TAP2: variants seen among roughly 807,000 people sequenced by gnomAD.
TAP2 encodes the protein antigen peptide transporter 2.
Under a neutral mutation model 74.7 loss-of-function variants are expected in TAP2, and 49 were observed. The observed-to-expected ratio is 0.66, with a 90% CI of 0.52 to 0.83. The LOEUF (loss-of-function observed/expected upper bound fraction) is 0.83. TAP2 is among the 40% of genes least tolerant of loss of function. The pLI, the probability that TAP2 is intolerant of heterozygous loss-of-function variation, is 0.00. For missense variants in TAP2, 739 were observed against 859.0 expected (o/e 0.86, Z 1.75); for synonymous variants, 306 against 368.4 (o/e 0.83, Z 1.94).
Position 32,828,679 on chromosome 6 carries a change from C to CCCCCCCCCCCACCCCCCCACCA in TAP2, c.*226_*227insTGGTGGGGGGGTGGGGGGGGGG. ...TAAGTTTCCTGGACACAGACAGCCC[C>CCCCCCCCCCCACCCCCCCACCA]CACCCCACCCCACCCCACCTCTCTA... is the stretch of plus-strand genomic sequence containing the variant. On this transcript the variant is annotated 3_prime_UTR_variant, in exon 12 of 12. Coordinates refer to ENST00000374897, the MANE Select transcript of TAP2 (RefSeq NM_001290043.2). The CCCCCCCCCCCACCCCCCCACCA allele has an allele frequency of 1.1e-6, 1 of 948,138 alleles. No individual in the cohort carries two copies. Among genetic ancestry groups the CCCCCCCCCCCACCCCCCCACCA allele is most frequent in the Non-Finnish European group, 1.3e-6 (1 of 788,690 alleles). The allele number at this position is 948,138 out of a possible 1,614,324, so 58.7% of individuals were successfully genotyped here.
At position 32,832,420 on chromosome 6, in the gene TAP2, C is replaced by G. The variant is rs2127358619; in HGVS notation, c.1185G>C (p.Gly395=). ...LGVQMLMLSC[G]LQQMQDGELT... ...GCTCCCCATCCTGCATCTGCTGCAG[C>G]CCACAGCTCAGCATCAGCATCTGCA... The change falls in exon 7 of 12, where the codon GGG becomes GGC. Residue 395 remains glycine (G), a synonymous_variant. Transcript: ENST00000374897. The surrounding 1 kb of genome is among the most constrained non-coding windows in gnomAD (Gnocchi z 5.9). The G allele has an allele frequency of 2.5e-6, 4 of 1,612,908 alleles. No homozygotes were observed. Among genetic ancestry groups the G allele is most frequent in the Middle Eastern group, 3.3e-4 (2 of 6,058 alleles).
At position 32,835,065 on chromosome 6, in the gene TAP2, C is replaced by G. The variant is rs1002569448; in HGVS notation, c.945+89G>C. 2.2e-6 allele frequency: 3 copies of G among 1,368,584 alleles called. No homozygotes were observed. The highest frequency in any genetic ancestry group is 1.4e-5 in the African/African-American group (1 of 69,814). 84.8% of individuals were successfully genotyped at this position (1,368,584 alleles called of 1,614,324 possible). On this transcript the variant is annotated intron_variant, in intron 5 of 11. Coordinates refer to ENST00000374897, the MANE Select transcript of TAP2 (RefSeq NM_001290043.2). This position sits in a 1 kb window ranked among gnomAD's most constrained non-coding sequence, Gnocchi z 4.0. ...TAATGGCTGAGAAGAGAACATCTCT[C>G]TCTAGGGGATCCTCTAGCCACAAAT...
At chr6:32,834,369 A>C (rs1221081717) in intron 5 of TAP2, among the ~76,000 whole-genome samples, 1 of 152,250 alleles carries the variant, frequency 6.6e-6, no homozygotes, top group Non-Finnish European at 1.5e-5. Flanking sequence ...TACGCTAAGT[A>C]AAATATGCCA....
At chr6:32,825,199 C>A (rs1212108888), downstream of TAP2, among the ~76,000 whole-genome samples, 1 of 149,324 alleles carries the variant, frequency 6.7e-6, no homozygotes, top group Non-Finnish European at 1.5e-5. Context: ...ATTAATATAG[C>A]CTCTATGAAG....
In TAP2 at chr6:32,828,182, G is replaced by C. The variant is rs955980637; in HGVS notation, c.*724C>G. 1.5e-5 allele frequency: 13 copies of C among 881,848 alleles called. No homozygotes were observed. The highest frequency in any genetic ancestry group is 1.8e-5 in the Non-Finnish European group (13 of 736,094). 54.6% of individuals were successfully genotyped at this position (881,848 alleles called of 1,614,324 possible). ...ATGGGGATAATAACCAACCTCATAG[G>C]GTTGGGGATAATGATTAAAAACGAT... is the stretch of plus-strand genomic sequence containing the variant. On this transcript the variant is annotated 3_prime_UTR_variant, in exon 12 of 12. Coordinates refer to ENST00000374897, the MANE Select transcript of TAP2 (RefSeq NM_001290043.2).
chr6:32,826,493 T>G lies in TAP2; in HGVS notation c.*2413A>C, dbSNP rs1768658852. 1 of 985,294 alleles carries G rather than the reference T, an allele frequency of 1.0e-6. No individual in the cohort carries two copies. Among genetic ancestry groups the G allele is most frequent in the African/African-American group, 1.7e-5 (1 of 57,220 alleles). The allele number at this position is 985,294 out of a possible 1,614,324, so 61.0% of individuals were successfully genotyped here. A position where few individuals can be genotyped will look rare whatever the true frequency, so the allele number is the denominator to read the frequency against. The stretch of plus-strand genomic sequence containing the variant: ...AAAGAACTCTGGAGCAAACCAGGAT[T>G]AGTGACATCTGTGGTTCCCAGACAA... On this transcript the variant is annotated 3_prime_UTR_variant, in exon 12 of 12. Coordinates refer to ENST00000374897, the MANE Select transcript of TAP2 (RefSeq NM_001290043.2).
rs1452101985 is a variant in TAP2, at chr6:32,835,158, T to C, written c.941A>G (p.His314Arg). 1.9e-6 allele frequency: 3 copies of C among 1,612,452 alleles called. No homozygotes were observed. The highest frequency in any genetic ancestry group is 2.5e-6 in the Non-Finnish European group (3 of 1,180,032). Residue 314 changes from histidine to arginine, a missense_variant, in exon 5 of 12, where the codon CAT becomes CGT. By Grantham distance (29) the His-to-Arg change is conservative. Transcript: ENST00000374897. The surrounding 1 kb of genome is among the most constrained non-coding windows in gnomAD (Gnocchi z 4.0). ...IAAEKVYNTR[H>R]QEVLREIQDA... ...TTCCCTTACATGCACGCTCACCTGA[T>C]GGCGGGTGTTGTACACCTTCTCCGC...
Position 32,828,679 on chromosome 6 carries a change from C to CAGCCCACCA in TAP2, c.*226_*227insTGGTGGGCT. ...TAAGTTTCCTGGACACAGACAGCCC[C>CAGCCCACCA]CACCCCACCCCACCCCACCTCTCTA... is the stretch of plus-strand genomic sequence containing the variant. On this transcript the variant is annotated 3_prime_UTR_variant, in exon 12 of 12. Coordinates refer to ENST00000374897, the MANE Select transcript of TAP2 (RefSeq NM_001290043.2). 1.1e-6 allele frequency: 1 copy of CAGCCCACCA among 948,140 alleles called. No homozygotes were observed. Among genetic ancestry groups the CAGCCCACCA allele is most frequent in the Non-Finnish European group, 1.3e-6 (1 of 788,692 alleles). The allele number at this position is 948,140 out of a possible 1,614,324, so 58.7% of individuals were successfully genotyped here.
rs1768755215 is a variant in TAP2 at position 32,827,746 on chromosome 6, A to G, written c.*1160T>C. ...TGGGCTGGAACAGTGTGTGCTCTGA[A>G]AAGGATCTCTGCAGCAGGGCTTGAG... On this transcript the variant is annotated 3_prime_UTR_variant, in exon 12 of 12. Transcript: ENST00000374897. 4 of 920,646 alleles carry G rather than the reference A, an allele frequency of 4.3e-6. 1 individual carries two copies. The highest frequency in any genetic ancestry group is 7.0e-5 in the Admixed American group (1 of 14,326). 57.0% of individuals were successfully genotyped at this position (920,646 alleles called of 1,614,324 possible).
Position 32,838,235 on chromosome 6 carries a change from G to A in TAP2, c.-2C>T. The stretch of plus-strand genomic sequence containing the variant: ...GGGTCTCAGGTCAGGGAGCCGCATG[G>A]CTCTGTCAACGGATACGAGATGAGA... On this transcript the variant is annotated splice_region_variant and 5_prime_UTR_variant, in exon 2 of 12. Transcript: ENST00000374897. 1 of 1,560,698 alleles carries A rather than the reference G, an allele frequency of 6.4e-7. No homozygotes were observed. Among genetic ancestry groups the A allele is most frequent in the Non-Finnish European group, 8.6e-7 (1 of 1,157,670 alleles).
chr6:32,830,641 G>A lies in TAP2; in HGVS notation c.1438C>T (p.Arg480Cys), dbSNP rs776413811. 8.1e-6 allele frequency: 13 copies of A among 1,613,002 alleles called. No individual in the cohort carries two copies. The highest frequency in any genetic ancestry group is 2.2e-5 in the South Asian group (2 of 91,094). ...FQDVSFAYPN[R>C]PDRPVLKGLT... ...ACCTTGAGCACAGGCCTGTCAGGGCGATTGGGATATGCAAAGGAGACGTCT... is the reference window on the plus strand; with the variant it reads ...ACCTTGAGCACAGGCCTGTCAGGGCAATTGGGATATGCAAAGGAGACGTCT... The change falls in exon 8 of 12, where the codon CGC becomes TGC. Residue 480 changes from arginine to cysteine, a missense_variant. By Grantham distance (180) the Arg-to-Cys change is radical. Transcript: ENST00000374897.
downstream of TAP2, chr6:32,822,277 A>G: frequency 6.5e-7 from 1 of 1,542,760 alleles, no homozygotes; most frequent in Non-Finnish European, 8.9e-7. Flanking sequence ...CCCAGGAAAT[A>G]TCCATTGAAA....
intron 10 of TAP2, 102 bp from the exon 11 acceptor site, chr6:32,829,638 G>T: frequency 6.4e-7 from 1 of 1,567,960 alleles, no homozygotes; most frequent in Non-Finnish European, 8.7e-7. Context: ...GACCTCGGGA[G>T]GTGGGAGGGC....
intron 1 of TAP2, 124 bp downstream of exon 1, chr6:32,838,529 T>G (rs1769600518): frequency 2.8e-6 from 1 of 363,434 alleles, no homozygotes; most frequent in African/African-American, 2.1e-5. Flanking sequence ...GCGAGCTAAG[T>G]GGTCCGGGCT....
rs867497225 is a variant in TAP2, at chr6:32,838,484, T to C, written c.-5+169A>G. Among the ~76,000 whole-genome samples, 432 of 110,890 alleles carry C rather than the reference T, an allele frequency of 3.9e-3. 4 individuals carry two copies. The highest frequency in any genetic ancestry group is 0.023 in the South Asian group (81 of 3,454). 72.7% of individuals were successfully genotyped at this position (110,890 alleles called of 152,430 possible). ...CGTGCTTAAAAAAAAAAAAAAAAAA[T>C]CCCCGGACCCCCACCCCCACCCCCG... On this transcript the variant is annotated intron_variant, in intron 1 of 11. Transcript: ENST00000374897.
At position 32,837,795 on chromosome 6, in the gene TAP2, G is replaced by T; in HGVS notation, c.439C>A (p.Pro147Thr). ...LMWRLLKLSR[P>T]DLPLLVAAFF... is the part of the protein sequence containing the mutation. The stretch of plus-strand genomic sequence containing the variant: ...GCGGCAACGAGGAGAGGCAGGTCCG[G>T]CCTGGAGAGCTTCAGCAGCCTCCAC... Residue 147 changes from proline to threonine, a missense_variant, in exon 2 of 12, where the codon CCG (proline) becomes ACG (threonine). Transcript: ENST00000374897. The T allele has an allele frequency of 3.1e-6, 5 of 1,614,108 alleles. No homozygotes were observed. The highest frequency in any genetic ancestry group is 4.2e-6 in the Non-Finnish European group (5 of 1,180,028).
At position 32,832,485 on chromosome 6, in the gene TAP2, G is replaced by A. The variant is rs1321576414; in HGVS notation, c.1144-24C>T. 4 of 1,611,676 alleles carry A rather than the reference G, an allele frequency of 2.5e-6. No homozygotes were observed. Among genetic ancestry groups the A allele is most frequent in the Admixed American group, 3.3e-5 (2 of 59,738 alleles). ...ACCTGGAAGAGGAGAAGAAAGAGAT[G>A]AGGCTGGGAATCTTCCCATTCTTTC... On this transcript the variant is annotated intron_variant, in intron 6 of 11. Coordinates refer to ENST00000374897, the MANE Select transcript of TAP2 (RefSeq NM_001290043.2). The surrounding 1 kb of genome is among the most constrained non-coding windows in gnomAD (Gnocchi z 5.9).
At chr6:32,834,362 G>A (rs1769276201) in intron 5 of TAP2, among the ~76,000 whole-genome samples, 1 of 152,196 alleles carries the variant, frequency 6.6e-6, no homozygotes, top group African/African-American at 2.4e-5. Context: ...AAGACATTAC[G>A]CTAAGTAAAA....
chr6:32,831,980 C>T (rs969041107), intron 7 of TAP2, among the ~76,000 whole-genome samples: 2 of 152,024 alleles, frequency 1.3e-5, no homozygotes, highest in African/African-American at 4.8e-5. Context: ...TTGTTATACA[C>T]TTTTAAAGAT....
Sources: allele counts gnomAD v4.1 joint callset (sites outside exome capture counted in the v4.1 genomes callset), GRCh38; gene constraint gnomAD v4.1.1; non-coding constraint Gnocchi (gnomAD v3.1); transcripts MANE v1.5; gene names NCBI Gene and HGNC (gene_info 2026-07-23, HGNC 2026-07-21).